LEPR: variants seen among roughly 807,000 people sequenced by gnomAD.
The protein encoded by LEPR is OB receptor.
In LEPR, 56 loss-of-function variants were observed where a neutral mutation model predicts 114.7. That is an observed-to-expected ratio of 0.49 (90% CI 0.39 to 0.61). LEPR has a LOEUF of 0.61. Among genes scored for constraint, LEPR ranks in the 20% least tolerant of loss-of-function variants. LEPR has a pLI of 0.00. For missense variants in LEPR, 1,202 were observed against 1,352.9 expected, an observed-to-expected ratio of 0.89 and a Z score of 1.75; for synonymous variants, 443 against 461.4, an observed-to-expected ratio of 0.96 and a Z score of 0.51.
chr1:65,500,245 A>G (rs1453403675), intron 2 of LEPR, among the ~76,000 whole-genome samples: 1 of 152,092 alleles, frequency 6.6e-6, no homozygotes, highest in South Asian at 2.1e-4. Flanking sequence ...TCAGGTAGTT[A>G]TTTATAACAG....
At chr1:65,464,831 T>A (rs1483302331) in intron 2 of LEPR, among the ~76,000 whole-genome samples, 2 of 152,274 alleles carry the variant, frequency 1.3e-5, no homozygotes, top group Non-Finnish European at 2.9e-5. Flanking sequence ...GTTTATCATA[T>A]TCTCTGATGG....
At chr1:65,536,289 G>A (rs1222180972) in intron 2 of LEPR, among the ~76,000 whole-genome samples, 1 of 152,070 alleles carries the variant, frequency 6.6e-6, no homozygotes, top group African/African-American at 2.4e-5. Context: ...TGTGATCTCT[G>A]CATGCTGGCT....
At chr1:65,442,744 C>A (rs1310231062) in intron 2 of LEPR, among the ~76,000 whole-genome samples, 1 of 152,138 alleles carries the variant, frequency 6.6e-6, no homozygotes, top group Non-Finnish European at 1.5e-5. Context: ...TAAAGCAATG[C>A]CTTCCCTGCC....
At position 65,608,849 on chromosome 1, in the gene LEPR, A is replaced by C; in HGVS notation, c.1700A>C (p.Asn567Thr). The C allele has an allele frequency of 6.2e-7, 1 of 1,613,790 alleles. No individual in the cohort carries two copies. The highest frequency in any genetic ancestry group is 8.5e-7 in the Non-Finnish European group (1 of 1,179,836). ...SWEKPVFPEN[N>T]LQFQIRYGLS... ...GAAAAGCCAGTCTTTCCAGAGAATAACCTTCAATTCCAGATTCGCTATGGT... is the reference window on the plus strand; with the variant it reads ...GAAAAGCCAGTCTTTCCAGAGAATACCCTTCAATTCCAGATTCGCTATGGT... The change falls in exon 12 of 20, where the codon AAC becomes ACC. Residue 567 changes from asparagine to threonine, a missense_variant. Transcript: ENST00000349533.
intron 2 of LEPR, among the ~76,000 whole-genome samples, chr1:65,442,038 C>T (rs1250327373): frequency 6.6e-6 from 1 of 152,004 alleles, no homozygotes; most frequent in Non-Finnish European, 1.5e-5. Flanking sequence ...AGCAAAGAGG[C>T]GTGAGACACA....
At chr1:65,514,879 C>A (rs1351059093) in intron 2 of LEPR, among the ~76,000 whole-genome samples, 1 of 152,078 alleles carries the variant, frequency 6.6e-6, no homozygotes, top group African/African-American at 2.4e-5. Context: ...TAGGAAATAG[C>A]GAAACAACAT....
chr1:65,580,247 TAGAGCTGGTCAATATAGGA>T (rs896044115), intron 5 of LEPR, among the ~76,000 whole-genome samples: 2 of 152,144 alleles, frequency 1.3e-5, no homozygotes, highest in South Asian at 2.1e-4. Context: ...ATTCAATGGG[TAGAGCTGGTCAATATAGGA>T]AGAGCTGGTC....
rs760919764 is a variant in LEPR, at chr1:65,430,028, ATTC to A, written c.-21+4653_-21+4655del. 15 of 1,558,262 alleles carry A rather than the reference ATTC, an allele frequency of 9.6e-6. No individual in the cohort carries two copies. The South Asian group carries it at 1.8e-4, about 18-fold the overall frequency. On this transcript the variant is annotated intron_variant, in intron 2 of 19. Transcript: ENST00000349533. ...TGTTTCTGCCTTTGGATTTCCTGTT[ATTC>A]TTGCTCGTGTGGCTGTGGTAAGTTT...
At chr1:65,519,304 C>T (rs1649513788) in intron 2 of LEPR, among the ~76,000 whole-genome samples, 1 of 151,804 alleles carries the variant, frequency 6.6e-6, no homozygotes, top group Non-Finnish European at 1.5e-5. Flanking sequence ...TGCACACCAC[C>T]ACACCCTGCT....
intron 5 of LEPR, among the ~76,000 whole-genome samples, chr1:65,592,351 A>G (rs1655759189): frequency 6.6e-6 from 1 of 150,896 alleles, no homozygotes; most frequent in Non-Finnish European, 1.5e-5. Context: ...CTGAAAAAAA[A>G]AGCCTTTATT....
intron 2 of LEPR, among the ~76,000 whole-genome samples, chr1:65,480,576 G>A (rs1570531782): frequency 1.3e-5 from 2 of 152,106 alleles, no homozygotes; most frequent in Non-Finnish European, 2.9e-5. Flanking sequence ...GATAACGAAA[G>A]TATCTCATAT....
chr1:65,468,920 G>T (rs867539454), intron 2 of LEPR, among the ~76,000 whole-genome samples: 15 of 152,236 alleles, frequency 9.9e-5, no homozygotes, highest in South Asian at 2.1e-4. Context: ...AACAGCTGCT[G>T]CTCTGTTCAG....
chr1:65,622,653 AG>A (rs1657957425), intron 18 of LEPR, among the ~76,000 whole-genome samples: 1 of 152,202 alleles, frequency 6.6e-6, no homozygotes, highest in South Asian at 2.1e-4. Context: ...AAATCTATCC[AG>A]TGTTTAGCAT....
rs1188803288 is a variant in LEPR at position 65,636,745 on chromosome 1, T to C, written c.3228T>C (p.Ser1076=). ...NFPEENNDKK[S]IYYLGVTSIK... Reference sequence around the variant, plus strand: ...CTGAAGAAAATAATGATAAAAAGTCTATCTATTATTTAGGGGTCACCTCAA... The same window carrying C: ...CTGAAGAAAATAATGATAAAAAGTCCATCTATTATTTAGGGGTCACCTCAA... The change falls in exon 20 of 20, where the codon TCT becomes TCC. Residue 1076 remains serine, a synonymous_variant. Transcript: ENST00000349533. The C allele has an allele frequency of 6.2e-7, 1 of 1,612,258 alleles. No individual in the cohort carries two copies. Among genetic ancestry groups the C allele is most frequent in the Admixed American group, 1.7e-5 (1 of 59,718 alleles).
At chr1:65,500,881 A>G (rs7537093) in intron 2 of LEPR, among the ~76,000 whole-genome samples, 49,490 of 152,010 alleles carry the variant, frequency 0.33, 10,303 homozygotes, top group Non-Finnish European at 0.47. Context: ...CATCAATGTC[A>G]TGCCCTCTAT....
At position 65,502,268 on chromosome 1, in the gene LEPR, C is replaced by T. The variant is rs944624768; in HGVS notation, c.-20-63278C>T. On this transcript the variant is annotated intron_variant, in intron 2 of 19. Transcript: ENST00000349533. Reference sequence around the variant, plus strand: ...GAAATTTGGACATACCAAGAGACTCCAGGTATGTGTGCACCCAGAGGAAAG... The same window carrying T: ...GAAATTTGGACATACCAAGAGACTCTAGGTATGTGTGCACCCAGAGGAAAG... Among the ~76,000 whole-genome samples the T allele has an allele frequency of 1.8e-4, 27 of 152,094 alleles. 1 individual carries two copies. Among genetic ancestry groups the T allele is most frequent in the Admixed American group, 1.6e-3 (25 of 15,250 alleles).
intron 2 of LEPR, among the ~76,000 whole-genome samples, chr1:65,428,438 A>G (rs1646422135): frequency 6.6e-6 from 1 of 152,168 alleles, no homozygotes. Flanking sequence ...GAAGTAGAGA[A>G]TGTCTAAGGG....
In LEPR at chr1:65,430,116, C is replaced by T. The variant is rs898736424; in HGVS notation, c.-21+4738C>T. 3.7e-6 allele frequency: 5 copies of T among 1,338,820 alleles called. No individual in the cohort carries two copies. In the African/African-American group the frequency reaches 5.9e-5, roughly 16 times the overall value. 82.9% of individuals were successfully genotyped at this position (1,338,820 alleles called of 1,614,324 possible). ...TTACTTCAGAGGCCTGTGTCTGGGACCTCCATTTCATGCTCATTACTTAGG... is the reference window on the plus strand; with the variant it reads ...TTACTTCAGAGGCCTGTGTCTGGGATCTCCATTTCATGCTCATTACTTAGG... On this transcript the variant is annotated intron_variant, in intron 2 of 19. Transcript: ENST00000349533.
At chr1:65,443,528 G>T (rs770161254) in intron 2 of LEPR, among the ~76,000 whole-genome samples, 40 of 151,588 alleles carry the variant, frequency 2.6e-4, no homozygotes, top group Non-Finnish European at 4.6e-4. Context: ...AAAATTTTTT[G>T]CTGGGTATAT....
Sources: gnomAD v4.1 joint callset for allele counts (sites outside exome capture counted in the v4.1 genomes callset) on GRCh38, gnomAD v4.1.1 for gene constraint, MANE v1.5 for transcripts, NCBI Gene and HGNC (gene_info 2026-07-23, HGNC 2026-07-21) for gene names.